ATXN10: variants seen among roughly 807,000 people sequenced by gnomAD.
ATXN10 encodes the protein ataxin 10.
ATXN10 carries 28 observed loss-of-function variants against 52.9 expected under a neutral mutation model. The observed-to-expected ratio is 0.53, with a 90% CI of 0.39 to 0.73. ATXN10 has a LOEUF of 0.73. Among genes scored for constraint, ATXN10 ranks in the 30% least tolerant of loss-of-function variants. ATXN10 has a pLI of 0.00. For missense variants in ATXN10, 565 were observed against 577.0 expected (o/e 0.98, Z 0.21); for synonymous variants, 226 against 221.5 (o/e 1.02, Z -0.18).
chr22:45,807,691 C>T (rs1280650145), intron 10 of ATXN10, among the ~76,000 whole-genome samples: 4 of 152,160 alleles, frequency 2.6e-5, no homozygotes, highest in Non-Finnish European at 5.9e-5. Context: ...AACCAGGGAC[C>T]GGATACAGCT....
intron 1 of ATXN10, among the ~76,000 whole-genome samples, chr22:45,687,829 G>A (rs1923207173): frequency 1.3e-5 from 2 of 152,196 alleles, no homozygotes; most frequent in Admixed American, 1.3e-4. Context: ...GGGAGGCCGA[G>A]GTAGGCAGAT....
chr22:45,823,087 T>C lies in ATXN10; in HGVS notation c.1237+16065T>C. 2.2e-6 allele frequency: 1 copy of C among 454,936 alleles called. No homozygotes were observed. The highest frequency in any genetic ancestry group is 4.5e-6 in the Non-Finnish European group (1 of 221,052). The allele number at this position is 454,936 out of a possible 1,614,324, so 28.2% of individuals were successfully genotyped here. A position where few individuals can be genotyped will look rare whatever the true frequency, so the allele number is the denominator to read the frequency against. On this transcript the variant is annotated intron_variant, in intron 10 of 11. Coordinates refer to ENST00000252934, the MANE Select transcript of ATXN10 (RefSeq NM_013236.4). This position sits in a 1 kb window ranked among gnomAD's most constrained non-coding sequence, Gnocchi z 4.9. ...AACTTAAATAGAGTAAACTGCAAAA[T>C]TTTTAAGTATACATCTTGACATAAG...
At chr22:45,796,914 T>C (rs558443290) in intron 9 of ATXN10, among the ~76,000 whole-genome samples, 1 of 152,282 alleles carries the variant, frequency 6.6e-6, no homozygotes, top group East Asian at 1.9e-4. Flanking sequence ...TAAACACTTA[T>C]AAGAAAGCTG....
At chr22:45,785,768 A>G (rs1259049010) in intron 9 of ATXN10, among the ~76,000 whole-genome samples, 1 of 152,246 alleles carries the variant, frequency 6.6e-6, no homozygotes, top group Non-Finnish European at 1.5e-5. Context: ...CGAGGCTGAG[A>G]GTCAGAGACA....
In ATXN10 at chr22:45,684,647, G is replaced by A. The variant is rs1923064504; in HGVS notation, c.117-5065G>A. ...TTGAGAGTGTGACAGAGGCTGTTTG[G>A]CCATCAGAGCTGGAAATATTCACTC... On this transcript the variant is annotated intron_variant, in intron 1 of 11. Coordinates refer to ENST00000252934, the MANE Select transcript of ATXN10 (RefSeq NM_013236.4). This position sits in a 1 kb window ranked among gnomAD's most constrained non-coding sequence, Gnocchi z 4.1. 6.6e-6 allele frequency among the ~76,000 whole-genome samples: 1 copy of A among 152,142 alleles called. No homozygotes were observed. The highest frequency in any genetic ancestry group is 2.1e-4 in the South Asian group (1 of 4,824).
intron 9 of ATXN10, among the ~76,000 whole-genome samples, chr22:45,801,544 A>G (rs1927931559): frequency 6.6e-6 from 1 of 152,252 alleles, no homozygotes; most frequent in Non-Finnish European, 1.5e-5. Context: ...GAGACTTAGA[A>G]TTGCTGTGTA....
rs1424575389 is a variant in ATXN10, at chr22:45,841,402, A to G, written c.1238-1589A>G. 6.6e-6 allele frequency among the ~76,000 whole-genome samples: 1 copy of G among 152,248 alleles called. No individual in the cohort carries two copies. Among genetic ancestry groups the G allele is most frequent in the Non-Finnish European group, 1.5e-5 (1 of 68,052 alleles). ...CCAAAGACCAGCAGGTCATTCACTCAGCACATGTTGGTTGGTCCTTTGCTT... is the reference window on the plus strand; with the variant it reads ...CCAAAGACCAGCAGGTCATTCACTCGGCACATGTTGGTTGGTCCTTTGCTT... On this transcript the variant is annotated intron_variant, in intron 10 of 11. Coordinates refer to ENST00000252934, the MANE Select transcript of ATXN10 (RefSeq NM_013236.4). The surrounding 1 kb of genome is among the most constrained non-coding windows in gnomAD (Gnocchi z 5.1).
In ATXN10 at chr22:45,683,363, A is replaced by G. The variant is rs1242051598; in HGVS notation, c.117-6349A>G. Among the ~76,000 whole-genome samples the G allele has an allele frequency of 2.6e-5, 4 of 152,194 alleles. No homozygotes were observed. The highest frequency in any genetic ancestry group is 4.4e-5 in the Non-Finnish European group (3 of 68,034). ...GAACCTTCCATGGCTTCACATCAGGATAAAAGCCAGCGTCCTTCCGTGGCC... is the reference window on the plus strand; with the variant it reads ...GAACCTTCCATGGCTTCACATCAGGGTAAAAGCCAGCGTCCTTCCGTGGCC... On this transcript the variant is annotated intron_variant, in intron 1 of 11. Coordinates refer to ENST00000252934, the MANE Select transcript of ATXN10 (RefSeq NM_013236.4). The surrounding 1 kb of genome is among the most constrained non-coding windows in gnomAD (Gnocchi z 4.8).
rs375468941 is a variant in ATXN10 at position 45,677,922 on chromosome 22, A to T, written c.116+5743A>T. The T allele has an allele frequency of 6.6e-6, 1 of 152,202 alleles. No homozygotes were observed. Among genetic ancestry groups the T allele is most frequent in the African/African-American group, 2.4e-5 (1 of 41,450 alleles). 9.4% of individuals were successfully genotyped at this position (152,202 alleles called of 1,614,324 possible). On this transcript the variant is annotated intron_variant, in intron 1 of 11. Coordinates refer to ENST00000252934, the MANE Select transcript of ATXN10 (RefSeq NM_013236.4). The surrounding 1 kb of genome is among the most constrained non-coding windows in gnomAD (Gnocchi z 4.1). The stretch of plus-strand genomic sequence containing the variant: ...ATTTGGTGGGTCCTCAAAAAGCTAA[A>T]CATGGAATATGACCAAGCAGTTTTA...
At chr22:45,821,527 C>T (rs901934703) in intron 10 of ATXN10, among the ~76,000 whole-genome samples, 8 of 152,176 alleles carry the variant, frequency 5.3e-5, no homozygotes, top group Non-Finnish European at 7.3e-5. Context: ...TGGGAAGGCA[C>T]TGCACATCAT....
intron 7 of ATXN10, among the ~76,000 whole-genome samples, chr22:45,729,960 G>A (rs1925023696): frequency 6.6e-6 from 1 of 152,060 alleles, no homozygotes; most frequent in African/African-American, 2.4e-5. Flanking sequence ...TTTGACTGTT[G>A]TGTCCATAGT....
chr22:45,724,944 TATGGAAGGTTAGTTG>T (rs1924809060), intron 6 of ATXN10, among the ~76,000 whole-genome samples: 1 of 152,176 alleles, frequency 6.6e-6, no homozygotes, highest in South Asian at 2.1e-4. Flanking sequence ...TGTATGCTTT[TATGGAAGGTTAGTTG>T]ATTGTAAGTA....
At chr22:45,738,105 G>GT (rs1405641713) in intron 7 of ATXN10, among the ~76,000 whole-genome samples, 1 of 152,120 alleles carries the variant, frequency 6.6e-6, no homozygotes, top group Non-Finnish European at 1.5e-5. Context: ...ATGCTATGCA[G>GT]TTGGTACTGG....
intron 2 of ATXN10, among the ~76,000 whole-genome samples, chr22:45,691,715 G>T (rs1310877578): frequency 2.0e-5 from 3 of 152,206 alleles, no homozygotes; most frequent in African/African-American, 7.2e-5. Flanking sequence ...CCAGCATGGT[G>T]AAACCCTGTC....
intron 10 of ATXN10, among the ~76,000 whole-genome samples, chr22:45,836,674 G>C (rs1337276338): frequency 6.6e-6 from 1 of 152,172 alleles, no homozygotes; most frequent in African/African-American, 2.4e-5. Flanking sequence ...CCACACTCTT[G>C]GCATGTTTTC....
chr22:45,828,059 C>T lies in ATXN10; in HGVS notation c.1238-14932C>T, dbSNP rs994208948. On this transcript the variant is annotated intron_variant, in intron 10 of 11. Transcript: ENST00000252934. The surrounding 1 kb of genome is among the most constrained non-coding windows in gnomAD (Gnocchi z 4.5). ...AAATCACAAGGGAAATTAGAAAATA[C>T]TTAGAGGTCAGCTGGGTGCAGTGGC... 1.2e-4 allele frequency among the ~76,000 whole-genome samples: 19 copies of T among 152,010 alleles called. No homozygotes were observed. Among genetic ancestry groups the T allele is most frequent in the African/African-American group, 4.1e-4 (17 of 41,404 alleles).
rs999006938 is a variant in ATXN10, at chr22:45,732,040, G to C, written c.894+2450G>C. On this transcript the variant is annotated intron_variant, in intron 7 of 11. Coordinates refer to ENST00000252934, the MANE Select transcript of ATXN10 (RefSeq NM_013236.4). The surrounding 1 kb of genome is among the most constrained non-coding windows in gnomAD (Gnocchi z 4.5). ...CAGGGCACTTCTGTTTAAAATATAG[G>C]TGATTTCAGTATTGTAGTGAGAAAT... Among the ~76,000 whole-genome samples the C allele has an allele frequency of 6.6e-6, 1 of 152,140 alleles. No homozygotes were observed. Among genetic ancestry groups the C allele is most frequent in the Non-Finnish European group, 1.5e-5 (1 of 68,036 alleles).
At chr22:45,821,936 T>C (rs1218769479) in intron 10 of ATXN10, among the ~76,000 whole-genome samples, 1 of 152,240 alleles carries the variant, frequency 6.6e-6, no homozygotes, top group Non-Finnish European at 1.5e-5. Flanking sequence ...GCAAAAACAC[T>C]GCCAGCCTTC....
intron 3 of ATXN10, among the ~76,000 whole-genome samples, chr22:45,693,604 G>A (rs1382479318): frequency 6.6e-6 from 1 of 152,116 alleles, no homozygotes; most frequent in East Asian, 1.9e-4. Flanking sequence ...AGCAAGTTGG[G>A]GATTAGATTT....
Sources: allele counts gnomAD v4.1 joint callset (sites outside exome capture counted in the v4.1 genomes callset), GRCh38; gene constraint gnomAD v4.1.1; non-coding constraint Gnocchi (gnomAD v3.1); transcripts MANE v1.5; gene names NCBI Gene and HGNC (gene_info 2026-07-23, HGNC 2026-07-21).